SPTBN1: variants seen among roughly 807,000 people sequenced by gnomAD.
SPTBN1 encodes spectrin beta, non-erythrocytic 1.
In SPTBN1, 32 loss-of-function variants were observed where a neutral mutation model predicts 266.4. The ratio of observed to expected loss-of-function variants is 0.12; its 90% CI spans 0.09 to 0.16. The LOEUF (loss-of-function observed/expected upper bound fraction) is 0.16, where lower values mean the gene tolerates loss of function less well. Among genes scored for constraint, SPTBN1 ranks in the 10% least tolerant of loss-of-function variants. SPTBN1 has a pLI of 1.00. For missense variants in SPTBN1, 2,296 were observed against 3,067.1 expected, an observed-to-expected ratio of 0.75 and a Z score of 5.94; for synonymous variants, 1,336 against 1,162.2, an observed-to-expected ratio of 1.15 and a Z score of -3.04.
intron 2 of SPTBN1, among the ~76,000 whole-genome samples, chr2:54,586,194 C>G (rs993783642): frequency 6.6e-6 from 1 of 152,274 alleles, no homozygotes; most frequent in African/African-American, 2.4e-5. Flanking sequence ...TAGTCCGTGG[C>G]TTACTTGCGT....
chr2:54,517,329 T>C (rs1200985689), intron 1 of SPTBN1, among the ~76,000 whole-genome samples: 2 of 151,976 alleles, frequency 1.3e-5, no homozygotes, highest in African/African-American at 4.8e-5. Flanking sequence ...TCAATCAAAA[T>C]AGAGTTCATA....
intron 3 of SPTBN1, among the ~76,000 whole-genome samples, chr2:54,603,167 G>A (rs1676609381): frequency 6.6e-6 from 1 of 152,152 alleles, no homozygotes; most frequent in Non-Finnish European, 1.5e-5. Flanking sequence ...TAGTAGGAGG[G>A]TAGGGTGTGG....
chr2:54,630,478 TG>T (rs1678655993), intron 15 of SPTBN1, among the ~76,000 whole-genome samples: 1 of 152,242 alleles, frequency 6.6e-6, no homozygotes, highest in African/African-American at 2.4e-5. Flanking sequence ...TTATGGCACC[TG>T]GCCCCAGTTT....
intron 1 of SPTBN1, among the ~76,000 whole-genome samples, chr2:54,459,081 T>G (rs1693223942): frequency 6.6e-6 from 1 of 152,214 alleles, no homozygotes; most frequent in Non-Finnish European, 1.5e-5. Flanking sequence ...TGGATTTACT[T>G]TGTTGTAAGA....
At chr2:54,498,860 C>A (rs1403330536) in intron 1 of SPTBN1, among the ~76,000 whole-genome samples, 1 of 152,186 alleles carries the variant, frequency 6.6e-6, no homozygotes, top group African/African-American at 2.4e-5. Context: ...AGACTTGATT[C>A]ATCCTAATAA....
chr2:54,591,733 C>G (rs531951328), intron 2 of SPTBN1, among the ~76,000 whole-genome samples: 4 of 152,246 alleles, frequency 2.6e-5, no homozygotes, highest in Non-Finnish European at 5.9e-5. Flanking sequence ...GTTTAGCACT[C>G]TGTGCTGAGG....
Position 54,664,720 on chromosome 2 carries a change from G to C in SPTBN1, c.6659+29G>C. On this transcript the variant is annotated intron_variant, in intron 33 of 35. Transcript: ENST00000356805. This position sits in a 1 kb window ranked among gnomAD's most constrained non-coding sequence, Gnocchi z 5.6. Reference sequence around the variant, plus strand: ...ACAGCAGCAGAGGCTGCCACAGTAAGATGGGAAGTCAGCCTGTGAAGGGAT... The same window carrying C: ...ACAGCAGCAGAGGCTGCCACAGTAACATGGGAAGTCAGCCTGTGAAGGGAT... The C allele has an allele frequency of 6.2e-7, 1 of 1,608,026 alleles. No homozygotes were observed. Among genetic ancestry groups the C allele is most frequent in the Non-Finnish European group, 8.5e-7 (1 of 1,175,488 alleles).
chr2:54,616,086 C>G, intron 4 of SPTBN1, 121 bp from the exon 5 acceptor site: 2 of 720,788 alleles, frequency 2.8e-6, no homozygotes, highest in Non-Finnish European at 4.4e-6. Context: ...CAGGGTAGAT[C>G]GTCTGCAGGG....
chr2:54,647,106 TTGTGATGTTCTCC>T lies in SPTBN1; in HGVS notation c.4867-21_4867-9del. On this transcript the variant is annotated splice_polypyrimidine_tract_variant and intron_variant, in intron 23 of 35. Coordinates refer to ENST00000356805, the MANE Select transcript of SPTBN1 (RefSeq NM_003128.3). ...GTAGGGCCAGAGGGGACCGCTATGG[TTGTGATGTTCTCC>T]TGTCTTTGCAGGATGAGCAGAGTGC... 6.2e-7 allele frequency: 1 copy of T among 1,613,988 alleles called. No individual in the cohort carries two copies.
chr2:54,598,900 G>T (rs945629740), intron 2 of SPTBN1, among the ~76,000 whole-genome samples, 192 bp from the exon 3 acceptor site: 3 of 152,188 alleles, frequency 2.0e-5, no homozygotes, highest in Non-Finnish European at 4.4e-5. Context: ...TCAAAAAATT[G>T]TAAGTTGAAC....
intron 17 of SPTBN1, among the ~76,000 whole-genome samples, chr2:54,634,086 T>C (rs1678948458): frequency 6.6e-6 from 1 of 152,240 alleles, no homozygotes; most frequent in African/African-American, 2.4e-5. Flanking sequence ...TTTTTTGTAA[T>C]ATTAACTCTG....
At chr2:54,544,549 G>T (rs1451383701) in intron 2 of SPTBN1, among the ~76,000 whole-genome samples, 2 of 151,940 alleles carry the variant, frequency 1.3e-5, no homozygotes. Flanking sequence ...ATTTTTGTCT[G>T]TTTGTTTCTG....
At chr2:54,588,033 A>T (rs1675403016) in intron 2 of SPTBN1, among the ~76,000 whole-genome samples, 1 of 152,352 alleles carries the variant, frequency 6.6e-6, no homozygotes, top group East Asian at 1.9e-4. Context: ...TTTAATTTGA[A>T]GTGGAGTCTA....
chr2:54,491,034 G>T (rs542447167), intron 1 of SPTBN1, among the ~76,000 whole-genome samples: 1 of 152,148 alleles, frequency 6.6e-6, no homozygotes, highest in African/African-American at 2.4e-5. Context: ...TTCAAAGCTC[G>T]TTTGAGCTCT....
intron 1 of SPTBN1, among the ~76,000 whole-genome samples, chr2:54,457,543 C>T (rs1693121939): frequency 6.6e-6 from 1 of 152,100 alleles, no homozygotes; most frequent in Admixed American, 6.5e-5. Flanking sequence ...AAATTGAATT[C>T]GGTGGGGTTT....
intron 6 of SPTBN1, 60 bp downstream of exon 6, chr2:54,617,748 C>G: frequency 6.4e-7 from 1 of 1,552,324 alleles, no homozygotes; most frequent in Admixed American, 1.7e-5. Context: ...CCTTCCATAG[C>G]AGATTTGGGT....
intron 1 of SPTBN1, among the ~76,000 whole-genome samples, chr2:54,462,151 T>C (rs1693399479): frequency 6.6e-6 from 1 of 152,224 alleles, no homozygotes; most frequent in Non-Finnish European, 1.5e-5. Flanking sequence ...CTCTTAGTTA[T>C]GATACAGCAG....
At chr2:54,635,012 A>T (rs1465836900) in intron 17 of SPTBN1, among the ~76,000 whole-genome samples, 1 of 152,228 alleles carries the variant, frequency 6.6e-6, no homozygotes, top group African/African-American at 2.4e-5. Context: ...CCTGTCTCAC[A>T]CCGGAAAACA....
At chr2:54,489,772 A>G (rs1438748726) in intron 1 of SPTBN1, among the ~76,000 whole-genome samples, 1 of 152,216 alleles carries the variant, frequency 6.6e-6, no homozygotes, top group East Asian at 1.9e-4. Flanking sequence ...GAGCTTTTAC[A>G]AAGAGCGTGC....
Sources: gnomAD v4.1 joint callset for allele counts (sites outside exome capture counted in the v4.1 genomes callset) on GRCh38, gnomAD v4.1.1 for gene constraint, Gnocchi (gnomAD v3.1) non-coding constraint, MANE v1.5 for transcripts, NCBI Gene and HGNC (gene_info 2026-07-23, HGNC 2026-07-21) for gene names.